The following SLC22A24 variants were observed in gnomAD, a reference collection of about 807,000 sequenced individuals.
SLC22A24 encodes steroid transmembrane transporter SLC22A24.
SLC22A24 carries 53 observed loss-of-function variants against 49.8 expected under a neutral mutation model. The observed-to-expected ratio is 1.06, with a 90% CI of 0.85 to 1.34. The LOEUF is 1.34. Ranked by LOEUF, SLC22A24 falls within the 40% of genes most tolerant of loss-of-function variation. The pLI is 0.00. For synonymous variants in SLC22A24, 302 were observed against 256.4 expected, an observed-to-expected ratio of 1.18 and a Z score of -1.70; for missense variants, 786 against 675.9, an observed-to-expected ratio of 1.16 and a Z score of -1.81.
chr11:63,110,757 A>G (rs968402470), intron 4 of SLC22A24, among the ~76,000 whole-genome samples: 2 of 137,184 alleles, frequency 1.5e-5, no homozygotes, highest in African/African-American at 5.2e-5. Flanking sequence ...GGCTGAGACG[A>G]TGGGGTTTTC....
intron 6 of SLC22A24, among the ~76,000 whole-genome samples, chr11:63,088,199 C>G (rs1227226693): frequency 6.6e-6 from 1 of 152,142 alleles, no homozygotes; most frequent in Non-Finnish European, 1.5e-5. Context: ...AGGCTGGTGC[C>G]CCTCTGGGAT....
intron 1 of SLC22A24, among the ~76,000 whole-genome samples, chr11:63,139,675 C>G (rs2087400854): frequency 6.6e-6 from 1 of 152,184 alleles, no homozygotes; most frequent in African/African-American, 2.4e-5. Flanking sequence ...AAGCACCACA[C>G]TGACTTCTCC....
In SLC22A24 at chr11:63,108,591, A is replaced by G. The variant is rs369748234; in HGVS notation, c.831-4293T>C. ...ATTTTTAGTTGGTAGGCTATTAATT[A>G]TTGCCTCAATTTTATAGCCTGTTAT... is the stretch of plus-strand genomic sequence containing the variant. On this transcript the variant is annotated intron_variant, in intron 4 of 9. Coordinates refer to ENST00000612278, the MANE Select transcript of SLC22A24 (RefSeq NM_001136506.2). 2.0e-4 allele frequency among the ~76,000 whole-genome samples: 30 copies of G among 152,160 alleles called. 1 individual carries two copies. The East Asian group carries it at 2.3e-3, about 12-fold the overall frequency.
chr11:63,089,368 C>T (rs2135195234), intron 6 of SLC22A24, among the ~76,000 whole-genome samples: 1 of 152,246 alleles, frequency 6.6e-6, no homozygotes, highest in East Asian at 1.9e-4. Flanking sequence ...CAAGCAAATA[C>T]TAAGGGATTT....
At chr11:63,140,764 T>C (rs1017291675) in intron 1 of SLC22A24, among the ~76,000 whole-genome samples, 1 of 152,138 alleles carries the variant, frequency 6.6e-6, no homozygotes, top group African/African-American at 2.4e-5. Context: ...ACAAGGTGCG[T>C]AGGGAATGTG....
rs143659317 is a variant in SLC22A24, at chr11:63,124,110, C to T, written c.507-4775G>A. ...AAAAGAATATTATGGCCAGAGGGAACAGCAAGTATAAATGCTACATGATGG... is the reference window on the plus strand; with the variant it reads ...AAAAGAATATTATGGCCAGAGGGAATAGCAAGTATAAATGCTACATGATGG... On this transcript the variant is annotated intron_variant, in intron 2 of 9. Transcript: ENST00000612278. Among the ~76,000 whole-genome samples, 633 of 152,086 alleles carry T rather than the reference C, an allele frequency of 4.2e-3. 4 individuals carry two copies. The highest frequency in any genetic ancestry group is 0.014 in the African/African-American group (581 of 41,476).
chr11:63,081,632 C>A lies in SLC22A24; in HGVS notation c.1320G>T (p.Leu440Phe). 1 of 1,551,550 alleles carries A rather than the reference C, an allele frequency of 6.4e-7. No individual in the cohort carries two copies. The highest frequency in any genetic ancestry group is 8.7e-7 in the Non-Finnish European group (1 of 1,146,848). ...TAGCAGCAGAAACACTACCAATTCC[C>A]AAAGTTGCTAAAACCACACGCAGGA... ...MQILRVVLAT[L>F]GIGSVSAASN... Residue 440 changes from leucine to phenylalanine, a missense_variant, in exon 8 of 10, where the codon TTG becomes TTT. Coordinates refer to ENST00000612278, the MANE Select transcript of SLC22A24 (RefSeq NM_001136506.2).
intron 4 of SLC22A24, among the ~76,000 whole-genome samples, chr11:63,111,719 G>A (rs1210230459): frequency 1.3e-5 from 2 of 151,882 alleles, no homozygotes; most frequent in Non-Finnish European, 1.5e-5. Context: ...TTTTTATTGT[G>A]TCTATTTGAT....
chr11:63,101,318 A>T (rs1163405686), intron 5 of SLC22A24, among the ~76,000 whole-genome samples: 2 of 150,544 alleles, frequency 1.3e-5, no homozygotes, highest in South Asian at 2.1e-4. Flanking sequence ...TTTTTTTTTT[A>T]AATTACACTA....
At chr11:63,093,279 T>C (rs1463001124) in intron 6 of SLC22A24, among the ~76,000 whole-genome samples, 1 of 152,156 alleles carries the variant, frequency 6.6e-6, no homozygotes, top group Non-Finnish European at 1.5e-5. Context: ...AAGAGAGTAG[T>C]GTGGTGATTC....
At position 63,104,267 on chromosome 11, in the gene SLC22A24, T is replaced by C. The variant is rs193112449; in HGVS notation, c.862A>G (p.Ile288Val). The C allele has an allele frequency of 3.4e-5, 52 of 1,550,454 alleles. No homozygotes were observed. In the East Asian group the frequency reaches 1.1e-3, roughly 34 times the overall value. ...KMVESARWLI[I>V]NNQLDEGLKE... ...AAGCCCTCATCTAGCTGATTGTTGA[T>C]AATCAGCCACCGAGCAGACTCCACC... The change falls in exon 5 of 10, where the codon ATC (isoleucine) becomes GTC (valine). Residue 288 changes from isoleucine to valine, a missense_variant. Ile to Val is a conservative substitution (Grantham distance 29). Coordinates refer to ENST00000612278, the MANE Select transcript of SLC22A24 (RefSeq NM_001136506.2).
Position 63,144,008 on chromosome 11 carries a change from A to G in SLC22A24, c.-229T>C. ...AGGCAGCCAAATAGTTTCAGAAGTC[A>G]CAGATATAATTATTTGGCAAAGAGA... is the stretch of plus-strand genomic sequence containing the variant. On this transcript the variant is annotated 5_prime_UTR_variant, in exon 1 of 10. Coordinates refer to ENST00000612278, the MANE Select transcript of SLC22A24 (RefSeq NM_001136506.2). The G allele has an allele frequency of 2.7e-6, 1 of 366,240 alleles. No individual in the cohort carries two copies. Among genetic ancestry groups the G allele is most frequent in the Non-Finnish European group, 4.9e-6 (1 of 205,950 alleles). The allele number at this position is 366,240 out of a possible 1,614,324, so 22.7% of individuals were successfully genotyped here.
chr11:63,080,905 A>G lies in SLC22A24; in HGVS notation c.1598+15T>C, dbSNP rs1470296476. 6.5e-7 allele frequency: 1 copy of G among 1,547,856 alleles called. No individual in the cohort carries two copies. The highest frequency in any genetic ancestry group is 2.0e-5 in the Admixed American group (1 of 50,990). The stretch of plus-strand genomic sequence containing the variant: ...GCCACTCCCCACTCAAGTGACAGCT[A>G]GAGGGTTTACTCACTCATTTTCCAC... On this transcript the variant is annotated intron_variant, in intron 9 of 9. Transcript: ENST00000612278.
chr11:63,109,853 T>G (rs1211951165), intron 4 of SLC22A24, among the ~76,000 whole-genome samples: 4 of 151,020 alleles, frequency 2.6e-5, no homozygotes, highest in Non-Finnish European at 6.0e-5. Context: ...TTAGTTTAAT[T>G]AGATCCCATT....
chr11:63,089,899 G>T (rs1200526039), intron 6 of SLC22A24, among the ~76,000 whole-genome samples: 2 of 151,770 alleles, frequency 1.3e-5, no homozygotes, highest in East Asian at 3.9e-4. Context: ...GGCTAACACG[G>T]TGAAACCCCG....
At chr11:63,101,416 G>A (rs1242638300) in intron 5 of SLC22A24, among the ~76,000 whole-genome samples, 1 of 151,698 alleles carries the variant, frequency 6.6e-6, no homozygotes, top group Non-Finnish European at 1.5e-5. Context: ...TTCAAAAATT[G>A]TATATAATAT....
chr11:63,123,776 C>T (rs369169134), intron 2 of SLC22A24, among the ~76,000 whole-genome samples: 2 of 152,164 alleles, frequency 1.3e-5, no homozygotes, highest in South Asian at 4.1e-4. Context: ...ATTGTCTCTA[C>T]CTCTAAAACA....
Position 63,081,638 on chromosome 11 carries a change from T to C in SLC22A24, c.1314A>G (p.Ala438=). 1 of 1,551,480 alleles carries C rather than the reference T, an allele frequency of 6.4e-7. No individual in the cohort carries two copies. Among genetic ancestry groups the C allele is most frequent in the Non-Finnish European group, 8.7e-7 (1 of 1,146,792 alleles). Reference sequence around the variant, plus strand: ...CAGAAACACTACCAATTCCCAAAGTTGCTAAAACCACACGCAGGATCTGCA... The same window carrying C: ...CAGAAACACTACCAATTCCCAAAGTCGCTAAAACCACACGCAGGATCTGCA... ...QEMQILRVVL[A]TLGIGSVSAA... The change falls in exon 8 of 10, where the codon GCA becomes GCG. Residue 438 remains alanine, a synonymous_variant. Coordinates refer to ENST00000612278, the MANE Select transcript of SLC22A24 (RefSeq NM_001136506.2).
chr11:63,120,573 A>G (rs942777576), intron 2 of SLC22A24, among the ~76,000 whole-genome samples: 13 of 152,120 alleles, frequency 8.5e-5, no homozygotes, highest in African/African-American at 3.1e-4. Flanking sequence ...AGAAACAAAG[A>G]AGGGGAAGAT....
Sources: gnomAD v4.1 joint callset for allele counts (sites outside exome capture counted in the v4.1 genomes callset) on GRCh38, gnomAD v4.1.1 for gene constraint, MANE v1.5 for transcripts, NCBI Gene and HGNC (gene_info 2026-07-23, HGNC 2026-07-21) for gene names.